Variants in ADAM10 observed in about 807,000 individuals in gnomAD.
The protein encoded by ADAM10 is ADAM metallopeptidase domain 10.
Under a neutral mutation model 90.1 loss-of-function variants are expected in ADAM10, and 17 were observed. The observed-to-expected ratio is 0.19, with a 90% CI of 0.13 to 0.28. The LOEUF (loss-of-function observed/expected upper bound fraction) is 0.28, where lower values mean the gene tolerates loss of function less well. ADAM10 is among the 10% of genes least tolerant of loss of function. ADAM10 has a pLI of 1.00. For missense variants in ADAM10, 610 were observed against 914.3 expected, an observed-to-expected ratio of 0.67 and a Z score of 4.29; for synonymous variants, 310 against 298.6, an observed-to-expected ratio of 1.04 and a Z score of -0.40.
At chr15:58,665,629 T>A (rs1000481333) in intron 4 of ADAM10, among the ~76,000 whole-genome samples, 2 of 152,102 alleles carry the variant, frequency 1.3e-5, no homozygotes, top group Middle Eastern at 3.4e-3. Context: ...CTCTTCCTAC[T>A]CTTGGGAAGA....
rs1895395960 is a variant in ADAM10, at chr15:58,610,070, C to T, written c.2025+227G>A. 24 of 559,226 alleles carry T rather than the reference C, an allele frequency of 4.3e-5. No homozygotes were observed. In the South Asian group the frequency reaches 5.2e-4, roughly 12 times the overall value. 34.6% of individuals were successfully genotyped at this position (559,226 alleles called of 1,614,324 possible). On this transcript the variant is annotated intron_variant, in intron 14 of 15. Transcript: ENST00000260408. ...AGATGAACTAAGGAGCACGGTAAAA[C>T]AGAATGACTCCCATCACCTACTAAG...
At chr15:58,736,294 T>C (rs527893969) in intron 1 of ADAM10, among the ~76,000 whole-genome samples, 1 of 152,344 alleles carries the variant, frequency 6.6e-6, no homozygotes, top group East Asian at 1.9e-4. Context: ...TTATTTCACC[T>C]ACACAGAAAA....
intron 1 of ADAM10, chr15:58,747,649 T>C (rs1226796459): frequency 6.6e-6 from 1 of 152,154 alleles, no homozygotes; most frequent in Admixed American, 6.5e-5. Context: ...CTAATAAAAC[T>C]TGTCTTATGT....
chr15:58,655,718 T>TCTC (rs1465707793), intron 5 of ADAM10, among the ~76,000 whole-genome samples: 3 of 72,066 alleles, frequency 4.2e-5, no homozygotes, highest in Admixed American at 1.5e-4. Flanking sequence ...ATAGTATATA[T>TCTC]ATATATATAT....
chr15:58,617,093 A>G (rs1895636242), intron 11 of ADAM10, among the ~76,000 whole-genome samples: 2 of 152,202 alleles, frequency 1.3e-5, no homozygotes, highest in African/African-American at 4.8e-5. Flanking sequence ...TGGGGAAAAA[A>G]GTGAGACTCC....
At chr15:58,640,678 A>T in intron 8 of ADAM10, 99 bp downstream of exon 8, 2 of 1,118,084 alleles carry the variant, frequency 1.8e-6, no homozygotes, top group Non-Finnish European at 2.6e-6. Context: ...GATATTATAC[A>T]GGCATCACTT....
intron 13 of ADAM10, 75 bp downstream of exon 13, chr15:58,610,924 G>A: frequency 3.4e-6 from 4 of 1,176,980 alleles, no homozygotes; most frequent in Non-Finnish European, 5.1e-6. Flanking sequence ...GTAGGTCAAA[G>A]TTTTACACTT....
At chr15:58,597,893 C>T (rs1160214114) in intron 15 of ADAM10, among the ~76,000 whole-genome samples, 3 of 151,878 alleles carry the variant, frequency 2.0e-5, no homozygotes, top group South Asian at 4.1e-4. Context: ...ATAATCAATA[C>T]AAAAATTACT....
rs1894850384 is a variant in ADAM10, at chr15:58,592,766, T to C, written c.*4781A>G. ...GACTCTGATTTAATATATATATATA[T>C]ATATATTAAATCGTGGTAGTATAAC... is the stretch of plus-strand genomic sequence containing the variant. On this transcript the variant is annotated 3_prime_UTR_variant, in exon 16 of 16. Transcript: ENST00000260408. 1 of 150,030 alleles carries C rather than the reference T, an allele frequency of 6.7e-6. No individual in the cohort carries two copies. 9.3% of individuals were successfully genotyped at this position (150,030 alleles called of 1,614,324 possible). A position where few individuals can be genotyped will look rare whatever the true frequency, so the allele number is the denominator to read the frequency against.
chr15:58,616,678 A>G (rs1260420319), intron 11 of ADAM10, among the ~76,000 whole-genome samples: 1 of 152,234 alleles, frequency 6.6e-6, no homozygotes, highest in East Asian at 1.9e-4. Flanking sequence ...CTACATAGAA[A>G]AAGTAGAAAG....
At chr15:58,638,243 A>AG (rs1328781643) in intron 8 of ADAM10, among the ~76,000 whole-genome samples, 1 of 151,940 alleles carries the variant, frequency 6.6e-6, no homozygotes, top group African/African-American at 2.4e-5. Context: ...AAAAAAGCAG[A>AG]GGGGGGGAAA....
At chr15:58,714,093 C>T (rs951104467) in intron 2 of ADAM10, among the ~76,000 whole-genome samples, 4 of 152,098 alleles carry the variant, frequency 2.6e-5, no homozygotes, top group Admixed American at 6.6e-5. Flanking sequence ...CATGAGCCAC[C>T]GCACCTGGCC....
intron 2 of ADAM10, among the ~76,000 whole-genome samples, chr15:58,705,015 T>C (rs1445680848): frequency 1.3e-5 from 2 of 152,142 alleles, no homozygotes; most frequent in African/African-American, 2.4e-5. Flanking sequence ...ACTGAACAAA[T>C]GCAAGTAAGA....
chr15:58,705,603 T>C (rs1898257285), intron 2 of ADAM10, among the ~76,000 whole-genome samples: 1 of 152,176 alleles, frequency 6.6e-6, no homozygotes, highest in African/African-American at 2.4e-5. Flanking sequence ...AGACAAATAA[T>C]AGACATACCA....
In ADAM10 at chr15:58,589,156, A is replaced by C. The variant is rs1474618537; in HGVS notation, c.*8391T>G. 1 of 152,252 alleles carries C rather than the reference A, an allele frequency of 6.6e-6. No individual in the cohort carries two copies. Among genetic ancestry groups the C allele is most frequent in the East Asian group, 1.9e-4 (1 of 5,204 alleles). The allele number at this position is 152,252 out of a possible 1,614,324, so 9.4% of individuals were successfully genotyped here. On this transcript the variant is annotated 3_prime_UTR_variant, in exon 16 of 16. Coordinates refer to ENST00000260408, the MANE Select transcript of ADAM10 (RefSeq NM_001110.4). ...AAAGCACACAACAAAACAAATGTTT[A>C]TTGAACACCTACTATAGCCAAGCTC...
At chr15:58,624,025 C>T (rs1460227821) in intron 10 of ADAM10, among the ~76,000 whole-genome samples, 2 of 148,716 alleles carry the variant, frequency 1.3e-5, no homozygotes, top group Admixed American at 1.3e-4. Context: ...TGGCTCACGC[C>T]TGTAAATGCC....
At chr15:58,602,926 AT>A (rs758574432) in intron 14 of ADAM10, among the ~76,000 whole-genome samples, 22 of 152,226 alleles carry the variant, frequency 1.4e-4, no homozygotes, top group Non-Finnish European at 2.6e-4. Context: ...AAGAGAAGCA[AT>A]ATATCCGAAT....
chr15:58,655,711 GTATATATATATA>G (rs1174017303), intron 5 of ADAM10, among the ~76,000 whole-genome samples: 22 of 53,734 alleles, frequency 4.1e-4, no homozygotes, highest in Non-Finnish European at 5.8e-4. Flanking sequence ...TATATATATA[GTATATATATATA>G]TATATATATA....
chr15:58,604,232 G>A lies in ADAM10; in HGVS notation c.2026-4508C>T, dbSNP rs577557353. 2.6e-5 allele frequency among the ~76,000 whole-genome samples: 4 copies of A among 152,198 alleles called. No homozygotes were observed. The East Asian group carries it at 7.7e-4, about 29-fold the overall frequency. On this transcript the variant is annotated intron_variant, in intron 14 of 15. Transcript: ENST00000260408. ...AAAAATTGGCCAAGCATGATGGCAG[G>A]TGCCTGTAATCCCAGCTACTCAGGA...
Sources: allele counts gnomAD v4.1 joint callset (sites outside exome capture counted in the v4.1 genomes callset), GRCh38; gene constraint gnomAD v4.1.1; transcripts MANE v1.5; gene names NCBI Gene and HGNC (gene_info 2026-07-23, HGNC 2026-07-21).